MAN1A2: variants seen among roughly 807,000 people sequenced by gnomAD.
MAN1A2 encodes the protein mannosidase alpha class 1A member 2, also known as mannosyl-oligosaccharide 1,2-alpha-mannosidase IB.
A neutral mutation model predicts 75.7 loss-of-function variants in MAN1A2; 26 were observed. The observed-to-expected ratio is 0.34, with a 90% CI of 0.25 to 0.48. MAN1A2 has a LOEUF of 0.48. MAN1A2 is among the 20% of genes least tolerant of loss of function. The probability of loss-of-function intolerance (pLI) is 0.99; values close to 1 mark genes in which losing one functional copy is unlikely to be tolerated. For missense variants in MAN1A2, 562 were observed against 775.5 expected, an observed-to-expected ratio of 0.72 and a Z score of 3.27; for synonymous variants, 247 against 264.6, an observed-to-expected ratio of 0.93 and a Z score of 0.65.
At chr1:117,397,333 A>G (rs970761118) in intron 1 of MAN1A2, among the ~76,000 whole-genome samples, 2 of 152,220 alleles carry the variant, frequency 1.3e-5, no homozygotes, top group Admixed American at 6.5e-5. Context: ...TGCTGTAACA[A>G]TAACAAGTGG....
chr1:117,442,196 C>A, intron 5 of MAN1A2, 35 bp from the exon 6 acceptor site: 1 of 1,287,130 alleles, frequency 7.8e-7, no homozygotes, highest in Non-Finnish European at 1.1e-6. Flanking sequence ...TTACTAATGG[C>A]TATAATTTAT....
chr1:117,477,006 G>T (rs930298710), intron 8 of MAN1A2, among the ~76,000 whole-genome samples: 2 of 151,852 alleles, frequency 1.3e-5, no homozygotes, highest in Admixed American at 1.3e-4. Context: ...AATGTTTTTC[G>T]ATTTGTTCGT....
chr1:117,478,949 G>A (rs1471566701), intron 8 of MAN1A2, among the ~76,000 whole-genome samples: 2 of 150,584 alleles, frequency 1.3e-5, no homozygotes, highest in Non-Finnish European at 3.0e-5. Context: ...TTAAATTCTG[G>A]GCTACATGTG....
At position 117,402,336 on chromosome 1, in the gene MAN1A2, A is replaced by G; in HGVS notation, c.453A>G (p.Lys151=). ...KNKVVQEMKI[K]ENKPLPPVPI... ...AGGTAGTCCAAGAAATGAAGATAAA[A>G]GAGAACAAGCCACTGCCACCAGTCC... The change falls in exon 2 of 13, where the codon AAA becomes AAG. Residue 151 remains lysine (K), a synonymous_variant. Coordinates refer to ENST00000356554, the MANE Select transcript of MAN1A2 (RefSeq NM_006699.5). 6.2e-7 allele frequency: 1 copy of G among 1,613,942 alleles called. No individual in the cohort carries two copies. Among genetic ancestry groups the G allele is most frequent in the African/African-American group, 1.3e-5 (1 of 75,042 alleles).
At chr1:117,417,556 T>TATATATATATA (rs997351955) in intron 4 of MAN1A2, among the ~76,000 whole-genome samples, 2 of 142,630 alleles carry the variant, frequency 1.4e-5, no homozygotes, top group Non-Finnish European at 3.0e-5. Flanking sequence ...TATATATATA[T>TATATATATATA]ATGTGATATA....
intron 8 of MAN1A2, among the ~76,000 whole-genome samples, chr1:117,478,914 T>C (rs2101856719): frequency 6.6e-6 from 1 of 151,934 alleles, no homozygotes; most frequent in Non-Finnish European, 1.5e-5. Context: ...CTTTCTTTCT[T>C]TTTTTTTCTT....
At chr1:117,491,748 A>G (rs1376979532) in intron 8 of MAN1A2, among the ~76,000 whole-genome samples, 1 of 152,122 alleles carries the variant, frequency 6.6e-6, no homozygotes, top group African/African-American at 2.4e-5. Context: ...CATTAAGAAC[A>G]TTTGTGATTC....
chr1:117,470,423 A>G (rs771485470), intron 8 of MAN1A2, among the ~76,000 whole-genome samples: 7 of 152,080 alleles, frequency 4.6e-5, no homozygotes, highest in Non-Finnish European at 7.4e-5. Flanking sequence ...TGTGAATATA[A>G]TTAATGCTGC....
At chr1:117,382,308 G>A (rs1405070193) in intron 1 of MAN1A2, among the ~76,000 whole-genome samples, 1 of 152,046 alleles carries the variant, frequency 6.6e-6, no homozygotes, top group African/African-American at 2.4e-5. Flanking sequence ...GGTTTTTATG[G>A]TTTTAGGTCT....
At chr1:117,379,644 G>C (rs1335318765) in intron 1 of MAN1A2, among the ~76,000 whole-genome samples, 2 of 151,988 alleles carry the variant, frequency 1.3e-5, no homozygotes, top group East Asian at 3.8e-4. Context: ...CCTCCTCCCT[G>C]CTTCCCCCTA....
chr1:117,432,441 A>G (rs1004719628), intron 5 of MAN1A2, among the ~76,000 whole-genome samples: 2 of 152,210 alleles, frequency 1.3e-5, no homozygotes, highest in Non-Finnish European at 2.9e-5. Context: ...TATTGCCAAT[A>G]TTAGGCTATC....
intron 12 of MAN1A2, among the ~76,000 whole-genome samples, chr1:117,518,200 A>G (rs895346805): frequency 2.0e-5 from 3 of 151,994 alleles, no homozygotes; most frequent in African/African-American, 7.2e-5. Context: ...AGAACTCAAA[A>G]AGTACCAACA....
chr1:117,493,842 A>T (rs1261310276), intron 9 of MAN1A2: 1 of 152,078 alleles, frequency 6.6e-6, no homozygotes, highest in Admixed American at 6.6e-5. Context: ...GATTTTATTT[A>T]CTTTTAGTTA....
intron 1 of MAN1A2, among the ~76,000 whole-genome samples, chr1:117,380,134 T>A (rs1653284516): frequency 6.6e-6 from 1 of 152,112 alleles, no homozygotes; most frequent in Non-Finnish European, 1.5e-5. Context: ...TTCTTTATAT[T>A]CTCTCTAATA....
intron 1 of MAN1A2, among the ~76,000 whole-genome samples, chr1:117,387,931 A>G (rs1050057591): frequency 6.6e-6 from 1 of 151,382 alleles, no homozygotes; most frequent in Non-Finnish European, 1.5e-5. Context: ...TCACTACTTA[A>G]TCTAATCCTG....
intron 8 of MAN1A2, among the ~76,000 whole-genome samples, chr1:117,473,663 T>G (rs1650229227): frequency 6.6e-6 from 1 of 152,016 alleles, no homozygotes; most frequent in Non-Finnish European, 1.5e-5. Flanking sequence ...CACTACTCCC[T>G]TTGCTTGGAA....
chr1:117,394,086 C>T (rs138081918), intron 1 of MAN1A2, among the ~76,000 whole-genome samples: 11,388 of 143,344 alleles, frequency 0.079, 480 homozygotes, highest in Middle Eastern at 0.15. Flanking sequence ...AGTGGGTTTC[C>T]TTTTTTTTTT....
intron 7 of MAN1A2, 54 bp downstream of exon 7, chr1:117,460,666 G>A (rs1245903215): frequency 1.9e-5 from 29 of 1,509,692 alleles, no homozygotes; most frequent in Non-Finnish European, 2.5e-5. Context: ...CTTTAAGATT[G>A]GCCCAAAGAT....
At chr1:117,460,000 C>T (rs1400232255) in intron 6 of MAN1A2, among the ~76,000 whole-genome samples, 1 of 151,300 alleles carries the variant, frequency 6.6e-6, no homozygotes, top group African/African-American at 2.4e-5. Context: ...CACACATTTT[C>T]ATGTGCCTCT....
Sources: gnomAD v4.1 joint callset for allele counts (sites outside exome capture counted in the v4.1 genomes callset) on GRCh38, gnomAD v4.1.1 for gene constraint, MANE v1.5 for transcripts, NCBI Gene and HGNC (gene_info 2026-07-23, HGNC 2026-07-21) for gene names.